The following SMC2 variants were observed in gnomAD, a reference collection of about 807,000 sequenced individuals.
SMC2 encodes structural maintenance of chromosomes 2.
SMC2 carries 41 observed loss-of-function variants against 142.6 expected under a neutral mutation model. The observed-to-expected ratio is 0.29, with a 90% CI of 0.22 to 0.37. The LOEUF is 0.37. Among genes scored for constraint, SMC2 ranks in the 10% least tolerant of loss-of-function variants. The pLI is 1.00. For synonymous variants in SMC2, 463 were observed against 457.5 expected (o/e 1.01, Z -0.15); for missense variants, 1,265 against 1,373.7 (o/e 0.92, Z 1.25).
Position 104,139,242 on chromosome 9 carries a change from GTCAAAATGGAAAGATT to G in SMC2, c.3527_3542del (p.Asn1176ArgfsTer38). On this transcript the variant is annotated frameshift_variant, in exon 25 of 25. Transcript: ENST00000374793. LOFTEE classifies it high-confidence loss of function. ...TCTACAGTAGCCAGATTTACTCAAT[GTCAAAATGGAAAGATT>G]TCAAAGGAAGCAAAATCCAAGGCAA... The G allele has an allele frequency of 6.2e-7, 1 of 1,601,028 alleles. No homozygotes were observed. The highest frequency in any genetic ancestry group is 8.5e-7 in the Non-Finnish European group (1 of 1,175,580).
intron 3 of SMC2, 25 bp downstream of exon 3, chr9:104,096,322 T>C (rs1395938539): frequency 6.2e-7 from 1 of 1,611,432 alleles, no homozygotes; most frequent in Non-Finnish European, 8.5e-7. Context: ...AACCTTTGGG[T>C]ATCTTAAGAC....
At chr9:104,103,617 G>C (rs1831416159) in intron 9 of SMC2, among the ~76,000 whole-genome samples, 1 of 152,210 alleles carries the variant, frequency 6.6e-6, no homozygotes. Context: ...GGTAACAGAA[G>C]AGTCAAGTAT....
rs766433128 is a variant in SMC2, at chr9:104,096,248, A to G, written c.269A>G (p.Gln90Arg). 1 of 1,614,210 alleles carries G rather than the reference A, an allele frequency of 6.2e-7. No individual in the cohort carries two copies. The change falls in exon 3 of 25, where the codon CAA becomes CGA. Residue 90 changes from glutamine (Q) to arginine (R), a missense_variant. Gln to Arg is a conservative substitution (Grantham distance 43). This residue lies in a region of SMC2 where 168 missense variants were observed against 184.8 expected (regional missense o/e 0.91). Transcript: ENST00000374793. ...ACTTTTGATAATTCTGACAAAAAGC[A>G]AAGTCCTTTAGGATTTGAGGTTCAT... The part of the protein sequence containing the change: ...SITFDNSDKK[Q>R]SPLGFEVHDE...
At position 104,094,462 on chromosome 9, in the gene SMC2, C is replaced by G; in HGVS notation, c.-77C>G. ...GGAGCTTTTGGGGTGCGTCAAGCCC[C>G]TGGCCTGAGGCAGCGGTGAGGCGTG... On this transcript the variant is annotated 5_prime_UTR_variant, in exon 1 of 25. Coordinates refer to ENST00000374793, the MANE Select transcript of SMC2 (RefSeq NM_006444.3). The G allele has an allele frequency of 3.1e-6, 1 of 325,880 alleles. No individual in the cohort carries two copies. Among genetic ancestry groups the G allele is most frequent in the Admixed American group, 5.1e-5 (1 of 19,704 alleles). 20.2% of individuals were successfully genotyped at this position (325,880 alleles called of 1,614,324 possible).
intron 10 of SMC2, 85 bp from the exon 11 acceptor site, chr9:104,113,230 TA>T: frequency 9.7e-7 from 1 of 1,033,512 alleles, no homozygotes; most frequent in Non-Finnish European, 1.4e-6. Flanking sequence ...GGTCTCTTAG[TA>T]AAACCAATCT....
chr9:104,112,873 A>G (rs1832643408), intron 10 of SMC2, among the ~76,000 whole-genome samples: 1 of 152,098 alleles, frequency 6.6e-6, no homozygotes, highest in Admixed American at 6.5e-5. Flanking sequence ...TTCCTGTATA[A>G]TCTTACGTCT....
intron 12 of SMC2, among the ~76,000 whole-genome samples, chr9:104,114,340 C>T (rs897146933): frequency 4.6e-5 from 7 of 152,272 alleles, no homozygotes; most frequent in Middle Eastern, 3.4e-3. Flanking sequence ...TTCAAAATGT[C>T]TTCAGAGTTA....
chr9:104,124,734 A>C (rs1280177788), intron 17 of SMC2, among the ~76,000 whole-genome samples, 178 bp from the exon 18 acceptor site: 1 of 152,184 alleles, frequency 6.6e-6, no homozygotes, highest in African/African-American at 2.4e-5. Context: ...TAGATAATTC[A>C]AGTATGGCTT....
At chr9:104,100,043 G>A (rs749117649) in intron 5 of SMC2, 50 bp from the exon 6 acceptor site, 2 of 1,045,854 alleles carry the variant, frequency 1.9e-6, no homozygotes, top group Admixed American at 5.3e-5. Flanking sequence ...GTAAATTCCA[G>A]TTGGACACAT....
intron 22 of SMC2, among the ~76,000 whole-genome samples, chr9:104,132,883 G>A (rs1009880752): frequency 6.6e-6 from 1 of 150,430 alleles, no homozygotes; most frequent in Non-Finnish European, 1.5e-5. Context: ...CGTGGACTTA[G>A]TACAAATCAG....
Position 104,102,198 on chromosome 9 carries a change from G to C in SMC2, c.870+5G>C, listed in dbSNP as rs777109270. The C allele has an allele frequency of 6.2e-6, 9 of 1,458,516 alleles. No homozygotes were observed. Among genetic ancestry groups the C allele is most frequent in the African/African-American group, 1.4e-5 (1 of 70,378 alleles). The allele number at this position is 1,458,516 out of a possible 1,614,324, so 90.3% of individuals were successfully genotyped here. On this transcript the variant is annotated splice_donor_5th_base_variant and intron_variant, in intron 8 of 24. Transcript: ENST00000374793. The stretch of plus-strand genomic sequence containing the variant: ...TTGGAAAAAAGAAAAGATAAGGTCT[G>C]AACATATGTATAAGAATCGATAATA...
In SMC2 at chr9:104,141,222, T is replaced by G. The variant is rs1261169540; in HGVS notation, c.*1907T>G. On this transcript the variant is annotated 3_prime_UTR_variant, in exon 25 of 25. Coordinates refer to ENST00000374793, the MANE Select transcript of SMC2 (RefSeq NM_006444.3). Reference sequence around the variant, plus strand: ...CAGAGTAACCTAGTGAGGTAAATACTGTTGTTGTCAGCATGGTGTAATCGA... The same window carrying G: ...CAGAGTAACCTAGTGAGGTAAATACGGTTGTTGTCAGCATGGTGTAATCGA... The G allele has an allele frequency of 6.6e-6, 1 of 152,194 alleles. No individual in the cohort carries two copies. The highest frequency in any genetic ancestry group is 2.4e-5 in the African/African-American group (1 of 41,452). 9.4% of individuals were successfully genotyped at this position (152,194 alleles called of 1,614,324 possible).
At chr9:104,136,034 A>G (rs950655185) in intron 23 of SMC2, 2 of 437,472 alleles carry the variant, frequency 4.6e-6, no homozygotes, top group Admixed American at 2.8e-5. Context: ...GATTCAGAAA[A>G]TCAGCATAGT....
At chr9:104,108,362 C>G (rs958450669) in intron 9 of SMC2, among the ~76,000 whole-genome samples, 56 of 152,286 alleles carry the variant, frequency 3.7e-4, no homozygotes, top group African/African-American at 1.2e-3. Flanking sequence ...CACAGTGTCC[C>G]TTTATCAAAC....
intron 9 of SMC2, among the ~76,000 whole-genome samples, chr9:104,104,659 C>CACTA (rs1410344393): frequency 6.6e-6 from 1 of 152,180 alleles, no homozygotes; most frequent in Non-Finnish European, 1.5e-5. Context: ...GAAGAACTGG[C>CACTA]TTAGTCTAAT....
At chr9:104,126,440 A>G (rs1834291205) in intron 18 of SMC2, among the ~76,000 whole-genome samples, 1 of 150,958 alleles carries the variant, frequency 6.6e-6, no homozygotes, top group Non-Finnish European at 1.5e-5. Context: ...TATAAAAATT[A>G]CACATACTTT....
intron 20 of SMC2, among the ~76,000 whole-genome samples, chr9:104,127,921 TGTCA>T (rs750428178): frequency 2.6e-5 from 4 of 152,228 alleles, no homozygotes; most frequent in African/African-American, 7.2e-5. Flanking sequence ...GTGTTACTGC[TGTCA>T]GTATTTGCAA....
At chr9:104,129,232 G>T (rs1834657188) in intron 20 of SMC2, among the ~76,000 whole-genome samples, 2 of 152,130 alleles carry the variant, frequency 1.3e-5, no homozygotes, top group Admixed American at 1.3e-4. Context: ...CCTAGGCACG[G>T]TGGCTCACGC....
chr9:104,138,641 G>A lies in SMC2; in HGVS notation c.3417+476G>A, dbSNP rs931464914. ...CACTATTGCTGTAGGAGCTGGGGCT[G>A]CCAAATATGCTTGCATAAATTATGC... On this transcript the variant is annotated intron_variant, in intron 24 of 24. Coordinates refer to ENST00000374793, the MANE Select transcript of SMC2 (RefSeq NM_006444.3). Among the ~76,000 whole-genome samples the A allele has an allele frequency of 2.6e-5, 4 of 152,284 alleles. 1 individual carries two copies. Among genetic ancestry groups the A allele is most frequent in the Non-Finnish European group, 4.4e-5 (3 of 68,018 alleles).
Sources: allele counts gnomAD v4.1 joint callset (sites outside exome capture counted in the v4.1 genomes callset), GRCh38; gene constraint gnomAD v4.1.1; regional missense constraint gnomAD v4.1.1; transcripts MANE v1.5; gene names NCBI Gene and HGNC (gene_info 2026-07-23, HGNC 2026-07-21).